PPME1: variants seen among roughly 807,000 people sequenced by gnomAD.
PPME1 encodes the protein testicular secretory protein Li 39.
PPME1 carries 17 observed loss-of-function variants against 56.9 expected under a neutral mutation model. That is an observed-to-expected ratio of 0.30 (90% CI 0.20 to 0.45). PPME1 has a LOEUF of 0.45. Among genes scored for constraint, PPME1 ranks in the 20% least tolerant of loss-of-function variants. The pLI, the probability that PPME1 is intolerant of heterozygous loss-of-function variation, is 1.00. For synonymous variants in PPME1, 122 were observed against 156.2 expected, an observed-to-expected ratio of 0.78 and a Z score of 1.63; for missense variants, 357 against 483.2, an observed-to-expected ratio of 0.74 and a Z score of 2.45.
intron 7 of PPME1, among the ~76,000 whole-genome samples, chr11:74,231,303 C>A (rs1459948125): frequency 6.6e-6 from 1 of 152,212 alleles, no homozygotes; most frequent in Non-Finnish European, 1.5e-5. Context: ...TTTAGCCTGG[C>A]CTCAAGTAAT....
rs1255336951 is a variant in PPME1, at chr11:74,251,540, G to A, written c.1075-108G>A. ...AATTTCAAGCCACTCAGACCTGTGG[G>A]TGGGATGAGGGCACCGTAGAGCCTA... On this transcript the variant is annotated intron_variant, in intron 12 of 13. Coordinates refer to ENST00000328257, the MANE Select transcript of PPME1 (RefSeq NM_016147.3). The A allele has an allele frequency of 3.4e-5, 51 of 1,518,360 alleles. 2 individuals carry two copies. In the South Asian group the frequency reaches 5.1e-4, roughly 15 times the overall value. The allele number at this position is 1,518,360 out of a possible 1,614,324, so 94.1% of individuals were successfully genotyped here.
At chr11:74,246,000 C>T in intron 9 of PPME1, 76 bp from the exon 10 acceptor site, 3 of 1,497,068 alleles carry the variant, frequency 2.0e-6, no homozygotes, top group Non-Finnish European at 2.7e-6. Flanking sequence ...CTTTCCTTTT[C>T]CCAGGGATCT....
chr11:74,225,071 C>G (rs1462236110), intron 4 of PPME1, 134 bp from the exon 5 acceptor site: 1 of 574,584 alleles, frequency 1.7e-6, no homozygotes, highest in East Asian at 3.0e-5. Context: ...TGAAGAAAAT[C>G]CTTGCTAAAC....
Position 74,239,256 on chromosome 11 carries a change from GGT to G in PPME1, c.834+2_834+3del. ...AGAGGAAAAAGGAAGATGACATGGA[GGT>G]GGGTAAAAACATTCATTCTTGAAAA... On this transcript the variant is annotated splice_donor_variant, in intron 9 of 13. Transcript: ENST00000328257. LOFTEE classifies it high-confidence loss of function. 6.2e-7 allele frequency: 1 copy of G among 1,611,632 alleles called. No individual in the cohort carries two copies. Among genetic ancestry groups the G allele is most frequent in the Non-Finnish European group, 8.5e-7 (1 of 1,179,128 alleles).
chr11:74,195,486 C>T (rs1857957425), intron 1 of PPME1, among the ~76,000 whole-genome samples: 1 of 152,152 alleles, frequency 6.6e-6, no homozygotes, highest in Non-Finnish European at 1.5e-5. Context: ...TACCCAGATA[C>T]ATCACAGTTT....
At chr11:74,242,123 TC>T (rs1286440737) in intron 9 of PPME1, among the ~76,000 whole-genome samples, 1 of 152,230 alleles carries the variant, frequency 6.6e-6, no homozygotes. Context: ...AGGCCTATGT[TC>T]CATTTTGAGT....
chr11:74,173,847 AC>A (rs1857344461), intron 1 of PPME1, among the ~76,000 whole-genome samples: 2 of 152,224 alleles, frequency 1.3e-5, no homozygotes, highest in African/African-American at 4.8e-5. Flanking sequence ...TGGACAACTT[AC>A]CTTTTTAAAA....
intron 1 of PPME1, among the ~76,000 whole-genome samples, chr11:74,175,573 G>A (rs1021597074): frequency 2.0e-5 from 3 of 151,702 alleles, no homozygotes; most frequent in Admixed American, 6.6e-5. Context: ...AAGAGATAGA[G>A]TCTTGCTGTG....
intron 1 of PPME1, among the ~76,000 whole-genome samples, chr11:74,178,006 C>T (rs1260727195): frequency 6.6e-6 from 1 of 152,168 alleles, no homozygotes; most frequent in African/African-American, 2.4e-5. Context: ...GTGAAACAAT[C>T]TAATTTGCTG....
chr11:74,217,926 TTAGC>T (rs897106917), intron 3 of PPME1, among the ~76,000 whole-genome samples: 40 of 152,128 alleles, frequency 2.6e-4, no homozygotes, highest in African/African-American at 8.9e-4. Context: ...ATTGGAAGTC[TTAGC>T]TAGAGCAATC....
chr11:74,249,320 C>A (rs1004495960), intron 11 of PPME1: 1 of 152,148 alleles, frequency 6.6e-6, no homozygotes, highest in Non-Finnish European at 1.5e-5. Context: ...TTCATAGTAC[C>A]CCTTGGGTAA....
At chr11:74,172,476 C>T (rs1591005154) in intron 1 of PPME1, among the ~76,000 whole-genome samples, 1 of 152,174 alleles carries the variant, frequency 6.6e-6, no homozygotes, top group African/African-American at 2.4e-5. Context: ...AGGGAAGCGA[C>T]GTACTGGCCT....
intron 3 of PPME1, among the ~76,000 whole-genome samples, chr11:74,211,313 GC>G (rs1228857762): frequency 6.6e-6 from 1 of 151,948 alleles, no homozygotes; most frequent in Admixed American, 6.6e-5. Flanking sequence ...AATAATAAAT[GC>G]CTAGGAATAA....
chr11:74,225,151 G>C (rs748401271), intron 4 of PPME1, 54 bp from the exon 5 acceptor site: 1 of 1,216,908 alleles, frequency 8.2e-7, no homozygotes. Flanking sequence ...GAATACTTCT[G>C]CTTTTATAAT....
At chr11:74,202,818 C>T (rs1300207071) in intron 1 of PPME1, among the ~76,000 whole-genome samples, 1 of 151,944 alleles carries the variant, frequency 6.6e-6, no homozygotes, top group Non-Finnish European at 1.5e-5. Flanking sequence ...CTCTCATTTC[C>T]CAATCATACT....
intron 1 of PPME1, among the ~76,000 whole-genome samples, chr11:74,174,715 A>C (rs527707009): frequency 6.6e-6 from 1 of 152,360 alleles, no homozygotes; most frequent in South Asian, 2.1e-4. Flanking sequence ...ATAATTTAAT[A>C]ATAGCAATTT....
chr11:74,204,280 G>T, intron 2 of PPME1, 73 bp from the exon 3 acceptor site: 7 of 1,189,936 alleles, frequency 5.9e-6, no homozygotes, highest in Admixed American at 4.1e-5. Context: ...GTTTCTAGCG[G>T]TATTACTATG....
intron 3 of PPME1, among the ~76,000 whole-genome samples, chr11:74,211,781 A>G (rs1362504413): frequency 6.6e-6 from 1 of 152,234 alleles, no homozygotes; most frequent in Non-Finnish European, 1.5e-5. Flanking sequence ...AAGAAGAAAG[A>G]CAATCCAGAA....
intron 1 of PPME1, among the ~76,000 whole-genome samples, chr11:74,174,780 G>T (rs1229966464): frequency 6.6e-6 from 1 of 152,174 alleles, no homozygotes; most frequent in African/African-American, 2.4e-5. Context: ...GTTATTTAAT[G>T]TGTCCACAGA....
Sources: gnomAD v4.1 joint callset for allele counts (sites outside exome capture counted in the v4.1 genomes callset) on GRCh38, gnomAD v4.1.1 for gene constraint, MANE v1.5 for transcripts, NCBI Gene and HGNC (gene_info 2026-07-23, HGNC 2026-07-21) for gene names.